The following SORCS3 variants were observed in gnomAD, a reference collection of about 807,000 sequenced individuals.
SORCS3 encodes the protein VPS10 domain-containing receptor SorCS3.
SORCS3 carries 57 observed loss-of-function variants against 146.3 expected under a neutral mutation model. That is an observed-to-expected ratio of 0.39 (90% CI 0.31 to 0.49). The LOEUF is 0.49. SORCS3 is among the 20% of genes least tolerant of loss of function. The pLI is 0.92. For synonymous variants in SORCS3, 653 were observed against 618.5 expected (o/e 1.06, Z -0.83); for missense variants, 1,341 against 1,575.5 (o/e 0.85, Z 2.52).
intron 2 of SORCS3, among the ~76,000 whole-genome samples, chr10:104,910,177 G>A (rs1345284128): frequency 6.6e-6 from 1 of 152,206 alleles, no homozygotes; most frequent in East Asian, 1.9e-4. Context: ...AGTAGCGTGA[G>A]TGACAGGTAG....
intron 4 of SORCS3, among the ~76,000 whole-genome samples, chr10:105,007,498 A>G (rs150378025): frequency 2.6e-5 from 4 of 152,256 alleles, no homozygotes; most frequent in Admixed American, 6.5e-5. Context: ...AAGAAAACAG[A>G]ATCCTAGAAA....
intron 1 of SORCS3, among the ~76,000 whole-genome samples, chr10:104,794,266 G>A (rs543145521): frequency 4.6e-5 from 7 of 152,072 alleles, no homozygotes; most frequent in Non-Finnish European, 5.9e-5. Flanking sequence ...GGAAAATATG[G>A]CATGTGTGTC....
chr10:105,135,330 C>T (rs924438853), intron 7 of SORCS3, among the ~76,000 whole-genome samples: 5 of 152,142 alleles, frequency 3.3e-5, no homozygotes, highest in African/African-American at 7.2e-5. Flanking sequence ...CCTGGCTCCT[C>T]CCTTCAAATT....
chr10:105,124,144 G>A (rs1478840032), intron 7 of SORCS3, among the ~76,000 whole-genome samples: 2 of 152,082 alleles, frequency 1.3e-5, no homozygotes, highest in Non-Finnish European at 2.9e-5. Flanking sequence ...TTTCTCCTTA[G>A]CCAGGATTGA....
chr10:104,990,398 C>G (rs552951802), intron 4 of SORCS3, among the ~76,000 whole-genome samples: 2 of 152,196 alleles, frequency 1.3e-5, no homozygotes, highest in East Asian at 3.9e-4. Context: ...AAACTACTTA[C>G]ACTCTAGTCC....
intron 5 of SORCS3, among the ~76,000 whole-genome samples, chr10:105,077,504 C>T (rs890090406): frequency 3.5e-5 from 5 of 143,954 alleles, no homozygotes; most frequent in African/African-American, 1.0e-4. Context: ...TCTGGTTGCA[C>T]GAAACTGACT....
intron 1 of SORCS3, among the ~76,000 whole-genome samples, chr10:104,696,719 TA>T (rs1474363331): frequency 2.2e-5 from 2 of 89,734 alleles, no homozygotes; most frequent in East Asian, 2.8e-4. Flanking sequence ...ATATAATATA[TA>T]ACATATATAA....
At chr10:104,947,769 C>T (rs190298704) in intron 3 of SORCS3, among the ~76,000 whole-genome samples, 5 of 152,146 alleles carry the variant, frequency 3.3e-5, no homozygotes, top group Admixed American at 2.0e-4. Context: ...ACTGCAGGCA[C>T]GTGGCACCAT....
chr10:104,839,167 T>A (rs1459048452), intron 1 of SORCS3, among the ~76,000 whole-genome samples: 1 of 152,240 alleles, frequency 6.6e-6, no homozygotes. Context: ...ACAGAAGTAC[T>A]AAACACAATC....
At chr10:105,052,862 C>G (rs1257668313) in intron 5 of SORCS3, among the ~76,000 whole-genome samples, 1 of 152,034 alleles carries the variant, frequency 6.6e-6, no homozygotes, top group African/African-American at 2.4e-5. Flanking sequence ...TCCTTTCTTC[C>G]CTGTTGAGGA....
intron 3 of SORCS3, among the ~76,000 whole-genome samples, chr10:104,961,286 C>T (rs2054793883): frequency 6.6e-6 from 1 of 152,158 alleles, no homozygotes; most frequent in African/African-American, 2.4e-5. Flanking sequence ...GTATCTATGC[C>T]TGTGACAACA....
intron 3 of SORCS3, among the ~76,000 whole-genome samples, chr10:104,959,043 A>G (rs2054773629): frequency 6.6e-6 from 1 of 152,106 alleles, no homozygotes; most frequent in African/African-American, 2.4e-5. Context: ...GACAAACCAT[A>G]TCACTCCCCT....
At chr10:105,222,570 T>C (rs2056710259) in intron 19 of SORCS3, among the ~76,000 whole-genome samples, 1 of 152,198 alleles carries the variant, frequency 6.6e-6, no homozygotes, top group South Asian at 2.1e-4. Context: ...TGGCATTTGT[T>C]TCTAGTTTGA....
At chr10:105,153,797 G>A (rs563592346) in intron 9 of SORCS3, among the ~76,000 whole-genome samples, 6 of 151,904 alleles carry the variant, frequency 3.9e-5, no homozygotes, top group East Asian at 1.9e-4. Context: ...GAGGCTGGGC[G>A]CGGTGGCTCA....
chr10:104,852,677 T>C (rs551805494), intron 2 of SORCS3, among the ~76,000 whole-genome samples: 1 of 152,208 alleles, frequency 6.6e-6, no homozygotes, highest in Non-Finnish European at 1.5e-5. Context: ...TCCCACAGCA[T>C]ACCACCTTTC....
chr10:105,071,396 C>G lies in SORCS3; in HGVS notation c.1029-18379C>G, dbSNP rs76940889. On this transcript the variant is annotated intron_variant, in intron 5 of 26. Transcript: ENST00000369701. ...TCTTGACCTGCTCCTTGGAGGAGTA[C>G]AGTGTGCTGGCACCAGGTGGACTAA... Among the ~76,000 whole-genome samples, 1,071 of 152,342 alleles carry G rather than the reference C, an allele frequency of 7.0e-3. 13 individuals carry two copies. Among genetic ancestry groups the G allele is most frequent in the African/African-American group, 0.024 (1,016 of 41,594 alleles).
intron 5 of SORCS3, among the ~76,000 whole-genome samples, chr10:105,083,069 C>A (rs2055636264): frequency 6.6e-6 from 1 of 152,080 alleles, no homozygotes; most frequent in African/African-American, 2.4e-5. Flanking sequence ...ATAGGATTTT[C>A]ATAAATTCAT....
At chr10:104,748,665 C>A (rs1374494116) in intron 1 of SORCS3, among the ~76,000 whole-genome samples, 4 of 152,098 alleles carry the variant, frequency 2.6e-5, no homozygotes, top group Admixed American at 2.6e-4. Context: ...CCAGCCTGGC[C>A]AACTTGGTGA....
chr10:105,129,817 C>G (rs2056005032), intron 7 of SORCS3, among the ~76,000 whole-genome samples: 1 of 152,072 alleles, frequency 6.6e-6, no homozygotes, highest in Non-Finnish European at 1.5e-5. Flanking sequence ...CATTAATGGT[C>G]AAGTCTCTTG....
Sources: allele counts gnomAD v4.1 joint callset (sites outside exome capture counted in the v4.1 genomes callset), GRCh38; gene constraint gnomAD v4.1.1; transcripts MANE v1.5; gene names NCBI Gene and HGNC (gene_info 2026-07-23, HGNC 2026-07-21).